PRKN: variants seen among roughly 807,000 people sequenced by gnomAD.
The protein encoded by PRKN is E3 ubiquitin-protein ligase parkin.
A neutral mutation model predicts 59.5 loss-of-function variants in PRKN; 56 were observed. The observed-to-expected ratio is 0.94, with a 90% CI of 0.76 to 1.18. PRKN has a LOEUF of 1.18. Among genes scored for constraint, PRKN ranks in the 50% most tolerant of loss-of-function variants. PRKN has a pLI of 0.00. For missense variants in PRKN, 657 were observed against 596.4 expected (o/e 1.10, Z -1.06); for synonymous variants, 250 against 222.1 (o/e 1.13, Z -1.12).
chr6:161,447,258 G>C lies in PRKN; in HGVS notation c.1084-60381C>G, dbSNP rs150921922. Among the ~76,000 whole-genome samples the C allele has an allele frequency of 1.4e-4, 22 of 152,120 alleles. No homozygotes were observed. Among genetic ancestry groups the C allele is most frequent in the Middle Eastern group, 6.8e-3 (2 of 294 alleles). On this transcript the variant is annotated intron_variant, in intron 9 of 11. Coordinates refer to ENST00000366898, the MANE Select transcript of PRKN (RefSeq NM_004562.3). This position sits in a 1 kb window ranked among gnomAD's most constrained non-coding sequence, Gnocchi z 4.1. The stretch of plus-strand genomic sequence containing the variant: ...TTTTCCTGCGTGTCTAAATTCTTCG[G>C]TTCTCTCTGACATGCTCAATCTAGG...
At chr6:162,362,659 T>C (rs1281123750) in intron 2 of PRKN, among the ~76,000 whole-genome samples, 5 of 152,056 alleles carry the variant, frequency 3.3e-5, no homozygotes, top group Admixed American at 6.6e-5. Flanking sequence ...TAAGAAACAA[T>C]AGTAGGAAGA....
At chr6:162,599,943 C>G (rs1002403830) in intron 1 of PRKN, among the ~76,000 whole-genome samples, 2 of 152,144 alleles carry the variant, frequency 1.3e-5, no homozygotes, top group Non-Finnish European at 2.9e-5. Context: ...AACCATGTAT[C>G]CAAATACCAG....
At chr6:162,590,449 CTTT>C in intron 1 of PRKN, among the ~76,000 whole-genome samples, 1 of 152,110 alleles carries the variant, frequency 6.6e-6, no homozygotes, top group South Asian at 2.1e-4. Context: ...AGCCATCTTT[CTTT>C]TTTTTATTAA....
intron 6 of PRKN, among the ~76,000 whole-genome samples, chr6:161,800,614 G>A (rs1791038010): frequency 6.6e-6 from 1 of 152,224 alleles, no homozygotes; most frequent in African/African-American, 2.4e-5. Flanking sequence ...CATGGGCTCT[G>A]CTCCCACTGA....
chr6:161,878,000 G>A (rs112683239), intron 6 of PRKN, among the ~76,000 whole-genome samples: 69 of 152,046 alleles, frequency 4.5e-4, no homozygotes, highest in African/African-American at 1.3e-3. Context: ...TCCCATGGCC[G>A]ACACTTGGAG....
At position 161,462,048 on chromosome 6, in the gene PRKN, G is replaced by A. The variant is rs141765966; in HGVS notation, c.1084-75171C>T. On this transcript the variant is annotated intron_variant, in intron 9 of 11. Transcript: ENST00000366898. This position sits in a 1 kb window ranked among gnomAD's most constrained non-coding sequence, Gnocchi z 4.5. ...AGATGGCTGGAAAGGTGGGTGAGAA[G>A]GGCACCCACAAGCTAGCAGGGGAGG... is the stretch of plus-strand genomic sequence containing the variant. 3.4e-3 allele frequency among the ~76,000 whole-genome samples: 510 copies of A among 152,222 alleles called. 6 individuals carry two copies. The highest frequency in any genetic ancestry group is 0.012 in the African/African-American group (489 of 41,534).
At chr6:162,336,481 C>G (rs1168328491) in intron 2 of PRKN, among the ~76,000 whole-genome samples, 1 of 152,110 alleles carries the variant, frequency 6.6e-6, no homozygotes, top group African/African-American at 2.4e-5. Context: ...ACTGAACTGA[C>G]AGAGATTCAC....
chr6:162,186,755 C>G, intron 4 of PRKN, among the ~76,000 whole-genome samples: 1 of 152,260 alleles, frequency 6.6e-6, no homozygotes, highest in East Asian at 1.9e-4. Flanking sequence ...TTTAAAAGTG[C>G]GTAGCACCTC....
At position 162,617,339 on chromosome 6, in the gene PRKN, C is replaced by T. The variant is rs1483125781; in HGVS notation, c.7+110323G>A. On this transcript the variant is annotated intron_variant, in intron 1 of 11. Coordinates refer to ENST00000366898, the MANE Select transcript of PRKN (RefSeq NM_004562.3). ...AAACACTTCCCAGGTTCAAGCTATT[C>T]TCCCACCTCAGCCGCCCAAGTAGCT... is the stretch of plus-strand genomic sequence containing the variant. Among the ~76,000 whole-genome samples, 3 of 152,296 alleles carry T rather than the reference C, an allele frequency of 2.0e-5. No homozygotes were observed. In the East Asian group the frequency reaches 5.8e-4, roughly 29 times the overall value.
intron 6 of PRKN, among the ~76,000 whole-genome samples, chr6:161,798,514 T>A (rs990265234): frequency 6.6e-6 from 1 of 152,206 alleles, no homozygotes; most frequent in Admixed American, 6.5e-5. Flanking sequence ...ATTTCTTTTT[T>A]ATCGAAAGCT....
At chr6:162,682,612 A>G (rs1779814705) in intron 1 of PRKN, among the ~76,000 whole-genome samples, 1 of 152,006 alleles carries the variant, frequency 6.6e-6, no homozygotes, top group African/African-American at 2.4e-5. Flanking sequence ...GAGGGTGGAG[A>G]GTGGGAGGAC....
intron 5 of PRKN, among the ~76,000 whole-genome samples, chr6:162,030,389 A>C (rs1412910884): frequency 6.6e-6 from 1 of 152,206 alleles, no homozygotes; most frequent in Non-Finnish European, 1.5e-5. Context: ...AGAAACTGTC[A>C]TTAGTCATGG....
At chr6:162,161,827 G>C (rs138087027) in intron 4 of PRKN, among the ~76,000 whole-genome samples, 1 of 152,270 alleles carries the variant, frequency 6.6e-6, no homozygotes, top group East Asian at 1.9e-4. Context: ...TTGCTAGAGA[G>C]ACCACATTAA....
chr6:162,620,961 G>A (rs1782638984), intron 1 of PRKN, among the ~76,000 whole-genome samples: 2 of 152,164 alleles, frequency 1.3e-5, no homozygotes. Context: ...ACACTGCTTT[G>A]ATAGCTTCTC....
intron 1 of PRKN, among the ~76,000 whole-genome samples, chr6:162,644,544 T>A (rs538622844): frequency 1.3e-5 from 2 of 152,130 alleles, no homozygotes; most frequent in South Asian, 4.2e-4. Context: ...TAACCTTCCA[T>A]AAAAAATAAC....
chr6:162,358,828 G>A (rs1784993542), intron 2 of PRKN, among the ~76,000 whole-genome samples: 1 of 151,990 alleles, frequency 6.6e-6, no homozygotes, highest in Non-Finnish European at 1.5e-5. Flanking sequence ...GGGAGGCCAA[G>A]GCGGGTGGAT....
At chr6:161,595,395 A>T (rs1459934683) in intron 7 of PRKN, among the ~76,000 whole-genome samples, 7 of 152,140 alleles carry the variant, frequency 4.6e-5, no homozygotes, top group Admixed American at 4.6e-4. Flanking sequence ...GCTCAAGAAA[A>T]GTATGAAAGT....
intron 1 of PRKN, among the ~76,000 whole-genome samples, chr6:162,703,612 T>C (rs935321040): frequency 6.6e-5 from 10 of 152,276 alleles, no homozygotes; most frequent in Middle Eastern, 3.4e-3. Flanking sequence ...CTAAGAACTT[T>C]CTATTTAATT....
chr6:162,158,629 C>T (rs2849599), intron 4 of PRKN, among the ~76,000 whole-genome samples: 142,343 of 151,888 alleles, frequency 0.94, 67,302 homozygotes, highest in Non-Finnish European at 1. Context: ...CGGGGTTTCA[C>T]CATGTTGGCC....
Sources: allele counts gnomAD v4.1 joint callset (sites outside exome capture counted in the v4.1 genomes callset), GRCh38; gene constraint gnomAD v4.1.1; non-coding constraint Gnocchi (gnomAD v3.1); transcripts MANE v1.5; gene names NCBI Gene and HGNC (gene_info 2026-07-23, HGNC 2026-07-21).